FAXDC2: variants seen among roughly 807,000 people sequenced by gnomAD.
FAXDC2 encodes fatty acid hydroxylase domain containing 2.
A neutral mutation model predicts 40.9 loss-of-function variants in FAXDC2; 41 were observed. The observed-to-expected ratio is 1.00, with a 90% CI of 0.78 to 1.30. The LOEUF is 1.30. FAXDC2 is among the 50% of genes most tolerant of loss of function. FAXDC2 has a pLI of 0.00. For synonymous variants in FAXDC2, 157 were observed against 149.3 expected, an observed-to-expected ratio of 1.05 and a Z score of -0.38; for missense variants, 390 against 408.8, an observed-to-expected ratio of 0.95 and a Z score of 0.40.
intron 5 of FAXDC2, among the ~76,000 whole-genome samples, chr5:154,827,177 C>G (rs537320521): frequency 6.6e-6 from 1 of 151,968 alleles, no homozygotes; most frequent in African/African-American, 2.4e-5. Context: ...TGATGGCACA[C>G]GCCTGTAATC....
In FAXDC2 at chr5:154,821,315, C is replaced by T; in HGVS notation, c.790G>A (p.Gly264Ser). 4 of 1,611,128 alleles carry T rather than the reference C, an allele frequency of 2.5e-6. No individual in the cohort carries two copies. Among genetic ancestry groups the T allele is most frequent in the Non-Finnish European group, 3.4e-6 (4 of 1,178,844 alleles). The change falls in exon 8 of 9, where the codon GGC becomes AGC. Residue 264 changes from glycine to serine, a missense_variant. Physicochemically the swap from Gly to Ser is moderately conservative, Grantham distance 56. Coordinates refer to ENST00000326080, the MANE Select transcript of FAXDC2 (RefSeq NM_032385.5). ...ALIITTISHC[G>S]YHLPFLPSPE... The stretch of plus-strand genomic sequence containing the variant: ...GAAGGCAGGAAGGGAAGGTGGTAGC[C>T]ACAGTGGGAGATGGTGGTGATGATG...
At position 154,830,940 on chromosome 5, in the gene FAXDC2, A is replaced by G. The variant is rs745847018; in HGVS notation, c.245-18T>C. 1 of 1,613,024 alleles carries G rather than the reference A, an allele frequency of 6.2e-7. No homozygotes were observed. Among genetic ancestry groups the G allele is most frequent in the Non-Finnish European group, 8.5e-7 (1 of 1,179,040 alleles). On this transcript the variant is annotated intron_variant, in intron 4 of 8. Coordinates refer to ENST00000326080, the MANE Select transcript of FAXDC2 (RefSeq NM_032385.5). Reference sequence around the variant, plus strand: ...GATGGCACCTGAGATTGGGAAACAGAAACAGTCAGGGCGACTTTGGGTTCT... The same window carrying G: ...GATGGCACCTGAGATTGGGAAACAGGAACAGTCAGGGCGACTTTGGGTTCT...
rs372428155 is a variant in FAXDC2 at position 154,833,514 on chromosome 5, T to TTG, written c.244+1109_244+1110dup. On this transcript the variant is annotated intron_variant, in intron 4 of 8. Transcript: ENST00000326080. ...GCACGCACCACCACACCCAGCTAAT[T>TTG]TGTGTGTGTGTGTGTTTTTAGTGAA... 7.9e-5 allele frequency among the ~76,000 whole-genome samples: 12 copies of TTG among 151,066 alleles called. No homozygotes were observed. The South Asian group carries it at 1.3e-3, about 16-fold the overall frequency.
chr5:154,842,822 A>C (rs1760511283), intron 1 of FAXDC2, among the ~76,000 whole-genome samples: 1 of 148,078 alleles, frequency 6.8e-6, no homozygotes, highest in Non-Finnish European at 1.5e-5. Context: ...GAGCCACTGC[A>C]CCCGGCCCTT....
At chr5:154,841,725 G>A (rs946689707) in intron 1 of FAXDC2, among the ~76,000 whole-genome samples, 2 of 151,838 alleles carry the variant, frequency 1.3e-5, no homozygotes, top group African/African-American at 2.4e-5. Context: ...TCTGGGATGA[G>A]GCAAAGTCAT....
chr5:154,821,325 G>A lies in FAXDC2; in HGVS notation c.780C>T (p.Ile260=), dbSNP rs376650105. 5 of 1,610,816 alleles carry A rather than the reference G, an allele frequency of 3.1e-6. No homozygotes were observed. The African/African-American group carries it at 5.4e-5, about 17-fold the overall frequency. Residue 260 remains isoleucine (I), a synonymous_variant, in exon 8 of 9, where the codon ATC becomes ATT. Coordinates refer to ENST00000326080, the MANE Select transcript of FAXDC2 (RefSeq NM_032385.5). ...WFSLALIITT[I]SHCGYHLPFL... is the part of the protein sequence containing the mutation. ...AGGGAAGGTGGTAGCCACAGTGGGAGATGGTGGTGATGATGAGGGCCAAGG... is the reference window on the plus strand; with the variant it reads ...AGGGAAGGTGGTAGCCACAGTGGGAAATGGTGGTGATGATGAGGGCCAAGG...
chr5:154,833,378 C>T (rs535016868), intron 4 of FAXDC2, among the ~76,000 whole-genome samples: 39 of 149,200 alleles, frequency 2.6e-4, no homozygotes, highest in African/African-American at 9.6e-4. Context: ...CAGAGTCGTG[C>T]CCTATTGCCC....
intron 7 of FAXDC2, 63 bp from the exon 8 acceptor site, chr5:154,821,489 C>A: frequency 1.5e-6 from 2 of 1,349,366 alleles, no homozygotes; most frequent in Non-Finnish European, 2.0e-6. Context: ...GTTGGGTATA[C>A]ACTTAGTCCC....
At position 154,834,693 on chromosome 5, in the gene FAXDC2, A is replaced by C. The variant is rs760979375; in HGVS notation, c.176T>G (p.Phe59Cys). ...CAGCCTCTCCCACTGGGCTTGCCAA[A>C]AGTAGCCAGAAGCACCCCAAAATCT... Reference protein sequence around the residue: ...LQRFWGASGYFWQAQWERLLT... With the variant: ...LQRFWGASGYCWQAQWERLLT... Residue 59 changes from phenylalanine to cysteine, a missense_variant, in exon 4 of 9, where the codon TTT becomes TGT. Physicochemically the swap from Phe to Cys is radical, Grantham distance 205. Transcript: ENST00000326080. The C allele has an allele frequency of 6.2e-7, 1 of 1,613,408 alleles. No individual in the cohort carries two copies. Among genetic ancestry groups the C allele is most frequent in the Non-Finnish European group, 8.5e-7 (1 of 1,179,876 alleles).
intron 2 of FAXDC2, among the ~76,000 whole-genome samples, chr5:154,835,883 CTTTTTTTTTTTTTTTT>C (rs869068025): frequency 6.3e-5 from 3 of 47,842 alleles, no homozygotes; most frequent in Non-Finnish European, 1.2e-4. Flanking sequence ...GCCCGGCCGA[CTTTTTTTTTTTTTTTT>C]TTTTTTTTTT....
In FAXDC2 at chr5:154,818,648, C is replaced by T. The variant is rs147109169; in HGVS notation, c.*1668G>A. 2.6e-3 allele frequency: 391 copies of T among 152,272 alleles called. 2 individuals are homozygous for T. The highest frequency in any genetic ancestry group is 9.1e-3 in the African/African-American group (380 of 41,552). 9.4% of individuals were successfully genotyped at this position (152,272 alleles called of 1,614,324 possible). On this transcript the variant is annotated 3_prime_UTR_variant, in exon 9 of 9. Transcript: ENST00000326080. ...CCTTCTGCCAAGGACTGATAACCTG[C>T]CTGCCAAAAGGAAGAGGGAATGAAA...
chr5:154,820,844 CA>C (rs1759869520), intron 8 of FAXDC2: 1 of 247,018 alleles, frequency 4.0e-6, no homozygotes, highest in East Asian at 1.2e-4. Context: ...CTTAGTTCAG[CA>C]TATTTGGAGT....
chr5:154,821,070 T>A, intron 8 of FAXDC2, 190 bp downstream of exon 8: 1 of 575,840 alleles, frequency 1.7e-6, no homozygotes, highest in East Asian at 3.3e-5. Flanking sequence ...AAACCCCCAG[T>A]TGGAGGAGGA....
At chr5:154,839,509 G>A (rs1760431807) in intron 1 of FAXDC2, among the ~76,000 whole-genome samples, 1 of 151,502 alleles carries the variant, frequency 6.6e-6, no homozygotes, top group African/African-American at 2.4e-5. Context: ...TTAGCCAGGT[G>A]TGGTAGCACA....
chr5:154,826,544 A>G (rs1280955914), intron 5 of FAXDC2, among the ~76,000 whole-genome samples: 1 of 151,696 alleles, frequency 6.6e-6, no homozygotes, highest in Admixed American at 6.6e-5. Flanking sequence ...AAAAAAAAAA[A>G]AAGAAAAGAA....
At chr5:154,846,923 GT>G (rs1760612949) in intron 1 of FAXDC2, among the ~76,000 whole-genome samples, 1 of 151,072 alleles carries the variant, frequency 6.6e-6, no homozygotes, top group Admixed American at 6.6e-5. Context: ...TGTGGTTCTG[GT>G]TTTTTGTTTG....
At chr5:154,826,344 T>G (rs1397825424) in intron 5 of FAXDC2, among the ~76,000 whole-genome samples, 1 of 151,650 alleles carries the variant, frequency 6.6e-6, no homozygotes, top group Admixed American at 6.6e-5. Context: ...CCTGGGCATC[T>G]TGGTGAAACC....
At chr5:154,830,098 T>A (rs912191684) in intron 5 of FAXDC2, among the ~76,000 whole-genome samples, 1 of 152,190 alleles carries the variant, frequency 6.6e-6, no homozygotes, top group Non-Finnish European at 1.5e-5. Flanking sequence ...GATTGTCTTG[T>A]CTGGGAAAGA....
intron 1 of FAXDC2, among the ~76,000 whole-genome samples, chr5:154,845,380 A>AT (rs1760574945): frequency 6.6e-6 from 1 of 152,240 alleles, no homozygotes; most frequent in Non-Finnish European, 1.5e-5. Context: ...ACATTTACTA[A>AT]TACACTGAAG....
Sources: allele counts gnomAD v4.1 joint callset (sites outside exome capture counted in the v4.1 genomes callset), GRCh38; gene constraint gnomAD v4.1.1; transcripts MANE v1.5; gene names NCBI Gene and HGNC (gene_info 2026-07-23, HGNC 2026-07-21).